SNTG1: variants seen among roughly 807,000 people sequenced by gnomAD.
The protein encoded by SNTG1 is gamma-1-syntrophin.
Under a neutral mutation model 74.7 loss-of-function variants are expected in SNTG1, and 39 were observed. The ratio of observed to expected loss-of-function variants is 0.52; its 90% confidence interval spans 0.40 to 0.68. The LOEUF (loss-of-function observed/expected upper bound fraction) is 0.68, where lower values mean the gene tolerates loss of function less well. Among genes scored for constraint, SNTG1 ranks in the 30% least tolerant of loss-of-function variants. The pLI is 0.00. For missense variants in SNTG1, 685 were observed against 609.5 expected (o/e 1.12, Z -1.30); for synonymous variants, 254 against 217.1 (o/e 1.17, Z -1.49).
At chr8:50,424,583 G>A (rs2093138341) in intron 4 of SNTG1, among the ~76,000 whole-genome samples, 1 of 152,176 alleles carries the variant, frequency 6.6e-6, no homozygotes, top group African/African-American at 2.4e-5. Context: ...ATGAATAGAG[G>A]ACTCAGGGCA....
chr8:50,425,021 G>A (rs544199812), intron 4 of SNTG1, among the ~76,000 whole-genome samples: 13 of 152,142 alleles, frequency 8.5e-5, no homozygotes, highest in South Asian at 2.1e-4. Flanking sequence ...GAAATCAATA[G>A]TTTTTTTCCA....
chr8:50,395,691 G>T (rs776397430), intron 3 of SNTG1, among the ~76,000 whole-genome samples: 2 of 151,568 alleles, frequency 1.3e-5, no homozygotes, highest in Non-Finnish European at 2.9e-5. Context: ...TTGTATTTTT[G>T]TATTAGAGAC....
At chr8:50,672,703 T>C (rs1041804929) in intron 15 of SNTG1, among the ~76,000 whole-genome samples, 5 of 152,234 alleles carry the variant, frequency 3.3e-5, no homozygotes, top group African/African-American at 1.2e-4. Flanking sequence ...AGATCTCATT[T>C]ATCAATCTTG....
intron 13 of SNTG1, among the ~76,000 whole-genome samples, chr8:50,604,511 T>G (rs772318234): frequency 1.3e-5 from 2 of 152,146 alleles, no homozygotes; most frequent in Non-Finnish European, 2.9e-5. Context: ...GGCAATGCCC[T>G]TTCCACTTTT....
chr8:50,241,171 ATTTGT>A (rs1240688392), intron 2 of SNTG1, among the ~76,000 whole-genome samples: 1 of 152,172 alleles, frequency 6.6e-6, no homozygotes, highest in African/African-American at 2.4e-5. Flanking sequence ...TAATGTATAC[ATTTGT>A]TTTGTGTTTT....
chr8:50,536,731 G>A lies in SNTG1; in HGVS notation c.603G>A (p.Lys201=). Reference sequence around the variant, plus strand: ...CGTCTCCAGGCTTGAGGTGGGAGAAGCGATGGTGCGACCTCAGACTGATCC... The same window carrying A: ...CGTCTCCAGGCTTGAGGTGGGAGAAACGATGGTGCGACCTCAGACTGATCC... ...WPTSPGLRWE[K]RWCDLRLIPL... is the part of the protein sequence containing the mutation. Residue 201 remains lysine (K), a synonymous_variant, in exon 11 of 19, where the codon AAG becomes AAA. Coordinates refer to ENST00000642720, the MANE Select transcript of SNTG1 (RefSeq NM_018967.5). The A allele has an allele frequency of 1.2e-6, 2 of 1,614,012 alleles. No individual in the cohort carries two copies. Among genetic ancestry groups the A allele is most frequent in the Non-Finnish European group, 1.7e-6 (2 of 1,179,882 alleles).
At chr8:50,213,364 G>T (rs1355036898) in intron 2 of SNTG1, among the ~76,000 whole-genome samples, 1 of 152,104 alleles carries the variant, frequency 6.6e-6, no homozygotes, top group African/African-American at 2.4e-5. Flanking sequence ...AAGTAGTACT[G>T]ATAAAATTGA....
chr8:50,176,910 T>C (rs2083020024), intron 2 of SNTG1, among the ~76,000 whole-genome samples: 1 of 152,178 alleles, frequency 6.6e-6, no homozygotes, highest in Admixed American at 6.5e-5. Flanking sequence ...CTTTCCCTCA[T>C]GGGCAGATTA....
intron 5 of SNTG1, among the ~76,000 whole-genome samples, chr8:50,445,092 T>C (rs1327146226): frequency 6.6e-6 from 1 of 152,202 alleles, no homozygotes; most frequent in Non-Finnish European, 1.5e-5. Flanking sequence ...CAATGACCAT[T>C]TCCCTATTTT....
rs143917901 is a variant in SNTG1, at chr8:50,050,502, T to C, written c.-102-122059T>C. Among the ~76,000 whole-genome samples, 536 of 152,196 alleles carry C rather than the reference T, an allele frequency of 3.5e-3. 4 individuals are homozygous for C. Among genetic ancestry groups the C allele is most frequent in the African/African-American group, 0.012 (517 of 41,558 alleles). On this transcript the variant is annotated intron_variant, in intron 1 of 18. Coordinates refer to ENST00000642720, the MANE Select transcript of SNTG1 (RefSeq NM_018967.5). ...AAGCACCAGGCTAGATGTGTTTACTTGTGTATTCTTCCCCAAATTCAAGGA... is the reference window on the plus strand; with the variant it reads ...AAGCACCAGGCTAGATGTGTTTACTCGTGTATTCTTCCCCAAATTCAAGGA...
chr8:50,400,623 T>A lies in SNTG1; in HGVS notation c.28-1587T>A, dbSNP rs116908112. 1.4e-3 allele frequency among the ~76,000 whole-genome samples: 206 copies of A among 152,348 alleles called. 6 individuals carry two copies. In the East Asian group the frequency reaches 0.036, roughly 27 times the overall value. Reference sequence around the variant, plus strand: ...CTAATTTACATTTCCACTAACAGTGTGTAAGGGTTCACTTTTCTCCACATC... The same window carrying A: ...CTAATTTACATTTCCACTAACAGTGAGTAAGGGTTCACTTTTCTCCACATC... On this transcript the variant is annotated intron_variant, in intron 3 of 18. Coordinates refer to ENST00000642720, the MANE Select transcript of SNTG1 (RefSeq NM_018967.5).
intron 3 of SNTG1, 125 bp from the exon 4 acceptor site, chr8:50,402,085 T>A: frequency 1.1e-6 from 1 of 920,720 alleles, no homozygotes. Flanking sequence ...TTCAGGCTCA[T>A]CAGAGTGTGT....
At chr8:50,752,876 T>C (rs1256109580) in intron 18 of SNTG1, among the ~76,000 whole-genome samples, 1 of 151,970 alleles carries the variant, frequency 6.6e-6, no homozygotes, top group Non-Finnish European at 1.5e-5. Context: ...CTGATGTATC[T>C]TCTGCTTTTC....
chr8:50,539,481 G>C (rs552831625), intron 11 of SNTG1, among the ~76,000 whole-genome samples: 1 of 152,222 alleles, frequency 6.6e-6, no homozygotes, highest in South Asian at 2.1e-4. Context: ...GCTCCTCAGG[G>C]AATTCTACTG....
intron 10 of SNTG1, among the ~76,000 whole-genome samples, chr8:50,533,661 G>A (rs1441377140): frequency 6.6e-6 from 1 of 152,156 alleles, no homozygotes; most frequent in Non-Finnish European, 1.5e-5. Flanking sequence ...GATAGCTTGT[G>A]TTCCACTGTA....
At chr8:50,767,537 T>G (rs1177262604) in intron 18 of SNTG1, among the ~76,000 whole-genome samples, 1 of 152,024 alleles carries the variant, frequency 6.6e-6, no homozygotes, top group African/African-American at 2.4e-5. Flanking sequence ...AAAGCCTAAT[T>G]AAACTTCTCA....
intron 13 of SNTG1, among the ~76,000 whole-genome samples, chr8:50,649,370 G>A (rs768370850): frequency 5.9e-5 from 9 of 151,970 alleles, no homozygotes; most frequent in Non-Finnish European, 1.2e-4. Context: ...GTTATGGTGC[G>A]TGCCTGTAAT....
chr8:50,616,420 G>C (rs1280177474), intron 13 of SNTG1, among the ~76,000 whole-genome samples: 1 of 152,170 alleles, frequency 6.6e-6, no homozygotes, highest in African/African-American at 2.4e-5. Flanking sequence ...CCTGAGATGA[G>C]CATACAATGA....
At chr8:49,972,670 G>GA (rs34399234) in intron 1 of SNTG1, among the ~76,000 whole-genome samples, 130,451 of 150,288 alleles carry the variant, frequency 0.87, 56,748 homozygotes, top group East Asian at 1. Context: ...AAATTTACAA[G>GA]AAAAAAAAAC....
Sources: gnomAD v4.1 joint callset for allele counts (sites outside exome capture counted in the v4.1 genomes callset) on GRCh38, gnomAD v4.1.1 for gene constraint, MANE v1.5 for transcripts, NCBI Gene and HGNC (gene_info 2026-07-23, HGNC 2026-07-21) for gene names.